The following KLRG1 variants were observed in gnomAD, a reference collection of about 807,000 sequenced individuals.
KLRG1 encodes the protein killer cell lectin like receptor G1.
KLRG1 carries 16 observed loss-of-function variants against 21.8 expected under a neutral mutation model. The ratio of observed to expected loss-of-function variants is 0.73; its 90% confidence interval spans 0.50 to 1.11. The LOEUF (loss-of-function observed/expected upper bound fraction) is 1.11, where lower values mean the gene tolerates loss of function less well. KLRG1 is among the 50% of genes most tolerant of loss of function. The probability of loss-of-function intolerance (pLI) is 0.00; values close to 1 mark genes in which losing one functional copy is unlikely to be tolerated. For synonymous variants in KLRG1, 69 were observed against 75.9 expected (o/e 0.91, Z 0.47); for missense variants, 173 against 218.3 (o/e 0.79, Z 1.31).
the KLRG1 span, chr12:9,110,298 G>T: frequency 6.8e-7 from 1 of 1,465,316 alleles, no homozygotes; most frequent in Non-Finnish European, 9.3e-7. Context: ...AATATGGAAT[G>T]TTTCATGTTG....
chr12:8,950,770 ATTC>A (rs1379273245), intron 1 of KLRG1, among the ~76,000 whole-genome samples: 2 of 152,186 alleles, frequency 1.3e-5, no homozygotes, highest in Admixed American at 6.5e-5. Flanking sequence ...ACGATAGTTA[ATTC>A]ACTTGGTCTT....
At chr12:9,068,692 C>T in the KLRG1 span, 1 of 1,424,438 alleles carries the variant, frequency 7.0e-7, no homozygotes. Context: ...ACCTGAATTT[C>T]TGTGATCAGG....
At chr12:9,030,142 G>C in the KLRG1 span, among the ~76,000 whole-genome samples, 1 of 152,202 alleles carries the variant, frequency 6.6e-6, no homozygotes, top group African/African-American at 2.4e-5. Flanking sequence ...TTGGAAGAGA[G>C]AAGACAGACT....
the KLRG1 span, chr12:9,116,144 C>T: frequency 2.6e-6 from 1 of 381,314 alleles, no homozygotes; most frequent in African/African-American, 2.1e-5. Flanking sequence ...CGTACAGCAG[C>T]TAATAAGCTT....
chr12:8,988,181 T>C (rs1186634062), upstream of KLRG1: 3 of 152,294 alleles, frequency 2.0e-5, no homozygotes, highest in Admixed American at 6.5e-5. Context: ...ATTCCAGCCA[T>C]TTAAGCAGCT....
the KLRG1 span, among the ~76,000 whole-genome samples, chr12:9,171,800 T>C: frequency 6.6e-6 from 1 of 152,000 alleles, no homozygotes; most frequent in East Asian, 1.9e-4. Flanking sequence ...GAAGAAAGAA[T>C]GAAAAGAAAT....
chr12:8,952,229 G>A (rs967178129), intron 1 of KLRG1, among the ~76,000 whole-genome samples: 5 of 152,148 alleles, frequency 3.3e-5, no homozygotes, highest in Non-Finnish European at 7.3e-5. Flanking sequence ...TAGGATTGTT[G>A]GTCTGAAATC....
chr12:8,964,957 T>C (rs549445964), intron 1 of KLRG1, among the ~76,000 whole-genome samples: 3 of 152,134 alleles, frequency 2.0e-5, no homozygotes, highest in Admixed American at 2.0e-4. Context: ...GTTTCCGGAA[T>C]ACAGCACACT....
the KLRG1 span, chr12:9,090,344 T>C: frequency 1.9e-6 from 3 of 1,613,910 alleles, no homozygotes; most frequent in Non-Finnish European, 2.5e-6. Flanking sequence ...TCTCTAGCAG[T>C]TTTTTGCTCA....
At chr12:8,959,520 C>T (rs1251736733) in intron 1 of KLRG1, among the ~76,000 whole-genome samples, 1 of 152,182 alleles carries the variant, frequency 6.6e-6, no homozygotes, top group Non-Finnish European at 1.5e-5. Flanking sequence ...AAACTCTAGC[C>T]TCTGAACTCT....
intron 3 of KLRG1, among the ~76,000 whole-genome samples, chr12:8,997,254 C>T (rs767875305): frequency 6.6e-6 from 1 of 152,286 alleles, no homozygotes; most frequent in Non-Finnish European, 1.5e-5. Flanking sequence ...AATGTCCCTG[C>T]TAGATGTCAT....
intron 1 of KLRG1, among the ~76,000 whole-genome samples, chr12:8,959,161 T>TA (rs1212572660): frequency 6.6e-6 from 1 of 152,208 alleles, no homozygotes; most frequent in Non-Finnish European, 1.5e-5. Context: ...GGCTTGAACT[T>TA]TGCTGAAGAA....
At chr12:9,154,664 C>T in the KLRG1 span, 3 of 1,614,186 alleles carry the variant, frequency 1.9e-6, no homozygotes, top group Non-Finnish European at 1.7e-6. Context: ...TCATGATCCA[C>T]TTCACAATGT....
chr12:8,986,881 G>A (rs1243430609), upstream of KLRG1, among the ~76,000 whole-genome samples: 1 of 152,026 alleles, frequency 6.6e-6, no homozygotes, highest in Admixed American at 6.6e-5. Flanking sequence ...ACAAGACCTG[G>A]TTGTTTAAAA....
the KLRG1 span, among the ~76,000 whole-genome samples, chr12:9,114,657 CTTT>C: frequency 6.6e-6 from 1 of 151,800 alleles, no homozygotes; most frequent in Admixed American, 6.6e-5. Flanking sequence ...ATTCTTACTT[CTTT>C]ATTGTCAAGC....
chr12:9,106,170 A>G, the KLRG1 span: 13 of 941,084 alleles, frequency 1.4e-5, no homozygotes, highest in Non-Finnish European at 2.0e-5. Context: ...TTTAGCACAA[A>G]CCATAACTAT....
the KLRG1 span, chr12:9,152,390 G>T: frequency 9.7e-7 from 1 of 1,030,042 alleles, no homozygotes; most frequent in Non-Finnish European, 1.5e-6. Flanking sequence ...ATCACTTTAA[G>T]CCTGTCTGTC....
the KLRG1 span, among the ~76,000 whole-genome samples, chr12:9,092,166 G>C: frequency 6.6e-6 from 1 of 152,112 alleles, no homozygotes. Flanking sequence ...AAAGCAGTAA[G>C]GGCACTTCCC....
the KLRG1 span, among the ~76,000 whole-genome samples, chr12:9,150,133 T>C: frequency 6.6e-6 from 1 of 152,238 alleles, no homozygotes; most frequent in African/African-American, 2.4e-5. Flanking sequence ...TTTCCTGTTA[T>C]GTAATATTTT....
Sources: allele counts gnomAD v4.1 joint callset (sites outside exome capture counted in the v4.1 genomes callset), GRCh38; gene constraint gnomAD v4.1.1; transcripts MANE v1.5; gene names NCBI Gene and HGNC (gene_info 2026-07-23, HGNC 2026-07-21).